The following PAH variants were observed in gnomAD, a reference collection of about 807,000 sequenced individuals.
PAH encodes the protein phenylalanine-4-hydroxylase.
A neutral mutation model predicts 62.0 loss-of-function variants in PAH; 64 were observed. That is an observed-to-expected ratio of 1.03 (90% CI 0.84 to 1.27). The LOEUF (loss-of-function observed/expected upper bound fraction) is 1.27, where lower values mean the gene tolerates loss of function less well. Among genes scored for constraint, PAH ranks in the 50% most tolerant of loss-of-function variants. The pLI is 0.00. For synonymous variants in PAH, 195 were observed against 196.2 expected (o/e 0.99, Z 0.05); for missense variants, 579 against 542.8 (o/e 1.07, Z -0.66).
intron 12 of PAH, among the ~76,000 whole-genome samples, chr12:102,839,883 T>A (rs1874509819): frequency 6.6e-6 from 1 of 152,212 alleles, no homozygotes; most frequent in Admixed American, 6.5e-5. Context: ...GGAAAGAGCA[T>A]GAGAACTAAA....
chr12:102,878,277 G>C (rs1463612480), intron 3 of PAH, among the ~76,000 whole-genome samples: 4 of 152,198 alleles, frequency 2.6e-5, no homozygotes, highest in Non-Finnish European at 5.9e-5. Flanking sequence ...CGATCGCAAA[G>C]CCAGTTAGAA....
At chr12:102,902,013 A>C (rs566920476) in intron 2 of PAH, among the ~76,000 whole-genome samples, 2 of 152,342 alleles carry the variant, frequency 1.3e-5, no homozygotes, top group South Asian at 4.1e-4. Context: ...GGTCAGCACC[A>C]TGGAGAAAGA....
At chr12:102,939,976 T>C (rs763226567) in intron 1 of PAH, among the ~76,000 whole-genome samples, 9 of 152,044 alleles carry the variant, frequency 5.9e-5, no homozygotes, top group Non-Finnish European at 1.2e-4. Context: ...CAGGAGGAAA[T>C]ACAGAGGAGC....
chr12:102,921,457 C>T (rs984383208), upstream of PAH, among the ~76,000 whole-genome samples: 4 of 152,172 alleles, frequency 2.6e-5, no homozygotes, highest in African/African-American at 9.7e-5. Context: ...CATTGCCTCC[C>T]AATGTGTCAC....
At chr12:102,852,988 AC>A in intron 6 of PAH, 38 bp from the exon 7 acceptor site, 1 of 1,611,402 alleles carries the variant, frequency 6.2e-7, no homozygotes, top group South Asian at 1.1e-5. Context: ...AAAGCTCATC[AC>A]CACTGAGTCA....
chr12:102,840,867 T>C (rs1832507224), intron 11 of PAH, among the ~76,000 whole-genome samples: 1 of 152,082 alleles, frequency 6.6e-6, no homozygotes, highest in Non-Finnish European at 1.5e-5. Context: ...AAGAATGCTA[T>C]ATAGAGGGAA....
chr12:102,905,551 A>T lies in PAH; in HGVS notation c.168+7240T>A, dbSNP rs1320328903. Among the ~76,000 whole-genome samples the T allele has an allele frequency of 2.6e-5, 4 of 151,868 alleles. No individual in the cohort carries two copies. In the East Asian group the frequency reaches 7.7e-4, roughly 29 times the overall value. ...CTGATTAAAAAAAATATAAGGCCGGAGGTTTTAGCATAATAGACCTAGGTC... is the reference window on the plus strand; with the variant it reads ...CTGATTAAAAAAAATATAAGGCCGGTGGTTTTAGCATAATAGACCTAGGTC... On this transcript the variant is annotated intron_variant, in intron 2 of 12. Transcript: ENST00000553106.
At chr12:102,860,411 A>C (rs978205742) in intron 5 of PAH, among the ~76,000 whole-genome samples, 4 of 152,238 alleles carry the variant, frequency 2.6e-5, no homozygotes, top group African/African-American at 9.6e-5. Flanking sequence ...CATACTGCCC[A>C]AGGTAATTTA....
intron 2 of PAH, among the ~76,000 whole-genome samples, chr12:102,898,926 A>T (rs1192752215): frequency 6.6e-6 from 1 of 152,212 alleles, no homozygotes; most frequent in Non-Finnish European, 1.5e-5. Flanking sequence ...CGGTGCAGCC[A>T]TTATTTATGG....
chr12:102,923,697 C>T (rs904062041), intron 1 of PAH: 12 of 152,180 alleles, frequency 7.9e-5, no homozygotes, highest in Non-Finnish European at 1.6e-4. Flanking sequence ...TTTCTGTGAA[C>T]TGTCTACACC....
intron 4 of PAH, 87 bp from the exon 5 acceptor site, chr12:102,866,750 G>T: frequency 9.4e-7 from 1 of 1,060,672 alleles, no homozygotes. Context: ...GGGCTCTCAA[G>T]CCATGACAGT....
At chr12:102,888,999 A>C (rs768720613) in intron 3 of PAH, among the ~76,000 whole-genome samples, 10 of 152,056 alleles carry the variant, frequency 6.6e-5, no homozygotes, top group Non-Finnish European at 1.3e-4. Flanking sequence ...AAAGCCAAGC[A>C]GAGGAAAGGA....
chr12:102,947,538 C>T (rs537445103), intron 1 of PAH, among the ~76,000 whole-genome samples: 12 of 152,120 alleles, frequency 7.9e-5, no homozygotes, highest in Admixed American at 2.0e-4. Context: ...CATCAAGGAA[C>T]TTGACACTGG....
chr12:102,955,293 A>T (rs1461965070), upstream of PAH, among the ~76,000 whole-genome samples: 3 of 152,254 alleles, frequency 2.0e-5, no homozygotes, highest in Non-Finnish European at 1.5e-5. Context: ...GGCTACCAGC[A>T]AATTTTCTAA....
At chr12:102,881,211 G>A (rs1293814458) in intron 3 of PAH, among the ~76,000 whole-genome samples, 6 of 150,972 alleles carry the variant, frequency 4.0e-5, no homozygotes, top group African/African-American at 7.3e-5. Flanking sequence ...ACAGGATTTC[G>A]CCATGTTGGC....
intron 1 of PAH, among the ~76,000 whole-genome samples, chr12:102,923,892 C>A (rs1878617363): frequency 1.3e-5 from 2 of 152,146 alleles, no homozygotes; most frequent in African/African-American, 4.8e-5. Flanking sequence ...GAAAAACATA[C>A]CTTTGTCCTG....
Position 102,873,776 on chromosome 12 carries a change from T to A in PAH, c.441+3686A>T, listed in dbSNP as rs1326033257. 2.0e-5 allele frequency among the ~76,000 whole-genome samples: 3 copies of A among 152,174 alleles called. No homozygotes were observed. The East Asian group carries it at 5.8e-4, about 29-fold the overall frequency. On this transcript the variant is annotated intron_variant, in intron 4 of 12. Coordinates refer to ENST00000553106, the MANE Select transcript of PAH (RefSeq NM_000277.3). ...AGGTATTTCATTAAAAAGAGTTCCG[T>A]GGGTAAGTAAGTTTTAGGAAACATT...
At chr12:102,938,224 G>A (rs1200976557) in intron 1 of PAH, among the ~76,000 whole-genome samples, 5 of 152,152 alleles carry the variant, frequency 3.3e-5, no homozygotes, top group Non-Finnish European at 5.9e-5. Flanking sequence ...GAAAGGGTGC[G>A]TGAGCAAGAG....
At chr12:102,914,419 C>A (rs1247530899) in intron 1 of PAH, 2 of 152,934 alleles carry the variant, frequency 1.3e-5, no homozygotes, top group African/African-American at 4.8e-5. Context: ...TTATTGATGA[C>A]AAGATTAAGG....
Sources: allele counts gnomAD v4.1 joint callset (sites outside exome capture counted in the v4.1 genomes callset), GRCh38; gene constraint gnomAD v4.1.1; transcripts MANE v1.5; gene names NCBI Gene and HGNC (gene_info 2026-07-23, HGNC 2026-07-21).